ST18: variants seen among roughly 807,000 people sequenced by gnomAD.
ST18 encodes suppression of tumorigenicity 18 protein.
ST18 carries 50 observed loss-of-function variants against 110.0 expected under a neutral mutation model. The ratio of observed to expected loss-of-function variants is 0.45; its 90% confidence interval spans 0.36 to 0.58. The LOEUF (loss-of-function observed/expected upper bound fraction) is 0.58. Ranked by LOEUF, ST18 falls within the 20% of genes least tolerant of loss-of-function variation. The pLI is 0.00. For missense variants in ST18, 1,306 were observed against 1,280.1 expected, an observed-to-expected ratio of 1.02 and a Z score of -0.31; for synonymous variants, 461 against 452.4, an observed-to-expected ratio of 1.02 and a Z score of -0.24.
At chr8:52,262,056 T>C (rs2094710420) in intron 2 of ST18, among the ~76,000 whole-genome samples, 1 of 152,228 alleles carries the variant, frequency 6.6e-6, no homozygotes, top group Non-Finnish European at 1.5e-5. Flanking sequence ...CACCAGCATC[T>C]GCTCAGCATA....
chr8:52,381,969 AAAAAC>A (rs770226152), intron 2 of ST18, among the ~76,000 whole-genome samples: 110 of 47,802 alleles, frequency 2.3e-3, no homozygotes, highest in African/African-American at 3.1e-3. Context: ...TGCTGCATTA[AAAAAC>A]AAAAAAAAAC....
At chr8:52,168,363 G>A (rs1258911001) in intron 10 of ST18, among the ~76,000 whole-genome samples, 3 of 151,538 alleles carry the variant, frequency 2.0e-5, no homozygotes, top group East Asian at 1.9e-4. Context: ...CCTGTGCAAC[G>A]GGGCACGAAG....
intron 2 of ST18, among the ~76,000 whole-genome samples, chr8:52,288,244 G>A (rs2095500439): frequency 6.6e-6 from 1 of 152,112 alleles, no homozygotes; most frequent in African/African-American, 2.4e-5. Flanking sequence ...GTGCTGGGTG[G>A]GAATGCTGCA....
intron 17 of ST18, chr8:52,137,760 C>T: frequency 2.7e-6 from 1 of 365,338 alleles, no homozygotes; most frequent in Non-Finnish European, 4.9e-6. Flanking sequence ...AAAGTGATGT[C>T]CTTGTGATGT....
At chr8:52,352,931 T>C (rs1821053416) in intron 2 of ST18, among the ~76,000 whole-genome samples, 1 of 152,246 alleles carries the variant, frequency 6.6e-6, no homozygotes, top group Admixed American at 6.5e-5. Context: ...AGGGTCAAAC[T>C]GAAGTTCAGC....
Position 52,136,475 on chromosome 8 carries a change from C to A in ST18, c.2300+115G>T, listed in dbSNP as rs941194380. On this transcript the variant is annotated intron_variant, in intron 19 of 25. Coordinates refer to ENST00000689386, the MANE Select transcript of ST18 (RefSeq NM_001352837.2). ...AGTCAGAAAGTGCCTTTGCTGTGAT[C>A]CTGGCAGGCAGGACATACTGCTTGT... 6 of 1,021,232 alleles carry A rather than the reference C, an allele frequency of 5.9e-6. No individual in the cohort carries two copies. The Admixed American group carries it at 1.5e-4, about 26-fold the overall frequency. The allele number at this position is 1,021,232 out of a possible 1,614,324, so 63.3% of individuals were successfully genotyped here. A position where few individuals can be genotyped will look rare whatever the true frequency, so the allele number is the denominator to read the frequency against.
intron 2 of ST18, among the ~76,000 whole-genome samples, chr8:52,298,904 T>C (rs1332759385): frequency 6.6e-6 from 1 of 152,216 alleles, no homozygotes; most frequent in Non-Finnish European, 1.5e-5. Context: ...CAGCTGTCAG[T>C]CTAATTTCTG....
chr8:52,170,447 AAAATCAATAAATAAATAAATAAAT>A (rs2064459885), intron 10 of ST18, among the ~76,000 whole-genome samples: 1 of 139,970 alleles, frequency 7.1e-6, no homozygotes, highest in African/African-American at 2.7e-5. Flanking sequence ...GCAAAACTCA[AAAATCAATAAATAAATAAATAAAT>A]AAATAAATAA....
chr8:52,212,457 C>T (rs1410889217), intron 7 of ST18, among the ~76,000 whole-genome samples: 1 of 151,948 alleles, frequency 6.6e-6, no homozygotes, highest in Non-Finnish European at 1.5e-5. Flanking sequence ...AAAAGGAATC[C>T]CAAGATTATA....
intron 2 of ST18, among the ~76,000 whole-genome samples, chr8:52,346,824 A>C (rs1158945397): frequency 1.3e-5 from 2 of 152,162 alleles, no homozygotes; most frequent in Non-Finnish European, 2.9e-5. Flanking sequence ...AGAAGGACTA[A>C]ATGGAATGAG....
At chr8:52,170,452 CAATAAATAAATA>C (rs562661652) in intron 10 of ST18, among the ~76,000 whole-genome samples, 169 of 128,106 alleles carry the variant, frequency 1.3e-3, no homozygotes, top group East Asian at 8.3e-3. Context: ...ACTCAAAAAT[CAATAAATAAATA>C]AATAAATAAA....
intron 5 of ST18, among the ~76,000 whole-genome samples, chr8:52,219,497 C>T (rs1250480379): frequency 6.6e-6 from 1 of 152,138 alleles, no homozygotes; most frequent in Non-Finnish European, 1.5e-5. Context: ...GATTTCAATG[C>T]TCTGTTCTTG....
chr8:52,185,090 A>C (rs545161783), intron 8 of ST18, among the ~76,000 whole-genome samples: 1 of 152,330 alleles, frequency 6.6e-6, no homozygotes, highest in Admixed American at 6.5e-5. Flanking sequence ...ACAATTTAAA[A>C]ACAAGTAAAT....
At chr8:52,368,215 A>G (rs1257827400) in intron 2 of ST18, among the ~76,000 whole-genome samples, 1 of 152,188 alleles carries the variant, frequency 6.6e-6, no homozygotes, top group Non-Finnish European at 1.5e-5. Context: ...CCAAAAATAG[A>G]AGGAAAAAAA....
At chr8:52,406,118 G>A (rs1844391764) in intron 2 of ST18, 1 of 152,100 alleles carries the variant, frequency 6.6e-6, no homozygotes, top group Non-Finnish European at 1.5e-5. Flanking sequence ...AAAATAAAGG[G>A]GAAAAAAGGT....
chr8:52,142,526 C>T (rs1042537738), intron 17 of ST18, among the ~76,000 whole-genome samples: 2 of 152,144 alleles, frequency 1.3e-5, no homozygotes, highest in African/African-American at 2.4e-5. Context: ...TTACTGCCTT[C>T]GGGTACCCTG....
At chr8:52,120,833 G>A (rs912675424) in intron 23 of ST18, among the ~76,000 whole-genome samples, 8 of 152,190 alleles carry the variant, frequency 5.3e-5, no homozygotes, top group Non-Finnish European at 1.2e-4. Flanking sequence ...CTGGCTGGGT[G>A]TAGGGAAGTG....
intron 25 of ST18, among the ~76,000 whole-genome samples, chr8:52,115,119 T>C (rs969611134): frequency 2.6e-5 from 4 of 152,218 alleles, no homozygotes; most frequent in African/African-American, 9.6e-5. Flanking sequence ...TCAAGAAACA[T>C]ATTTGGAATC....
At chr8:52,174,972 T>C (rs773287563) in intron 9 of ST18, among the ~76,000 whole-genome samples, 2 of 151,990 alleles carry the variant, frequency 1.3e-5, no homozygotes, top group South Asian at 4.2e-4. Flanking sequence ...TGTGTGTGTT[T>C]ATTTTCTCTG....
Sources: gnomAD v4.1 joint callset for allele counts (sites outside exome capture counted in the v4.1 genomes callset) on GRCh38, gnomAD v4.1.1 for gene constraint, MANE v1.5 for transcripts, NCBI Gene and HGNC (gene_info 2026-07-23, HGNC 2026-07-21) for gene names.